The following PLEKHG4B variants were observed in gnomAD, a reference collection of about 807,000 sequenced individuals.
The protein encoded by PLEKHG4B is pleckstrin homology domain-containing family G member 4B.
Under a neutral mutation model 121.3 loss-of-function variants are expected in PLEKHG4B, and 111 were observed. The observed-to-expected ratio is 0.92, with a 90% CI of 0.78 to 1.07. The LOEUF (loss-of-function observed/expected upper bound fraction) is 1.07. PLEKHG4B is among the 50% of genes least tolerant of loss of function. PLEKHG4B has a pLI of 0.00. For missense variants in PLEKHG4B, 1,831 were observed against 1,757.8 expected (o/e 1.04, Z -0.74); for synonymous variants, 738 against 725.0 (o/e 1.02, Z -0.29).
At position 110,590 on chromosome 5, in the gene PLEKHG4B, A is replaced by G. The variant is rs531772082; in HGVS notation, c.46-2661A>G. ...CTGCAACACACGCGCACACATCCAC[A>G]CAATCTGCAACACGTGTGCACACAC... On this transcript the variant is annotated intron_variant, in intron 1 of 19. Coordinates refer to ENST00000637938, the MANE Select transcript of PLEKHG4B (RefSeq NM_052909.5). 2.7e-3 allele frequency among the ~76,000 whole-genome samples: 392 copies of G among 144,124 alleles called. 6 individuals are homozygous for G. The highest frequency in any genetic ancestry group is 9.7e-3 in the African/African-American group (368 of 37,928). 94.6% of individuals were successfully genotyped at this position (144,124 alleles called of 152,430 possible). A position where few individuals can be genotyped will look rare whatever the true frequency, so the allele number is the denominator to read the frequency against.
At position 109,397 on chromosome 5, in the gene PLEKHG4B, C is replaced by CAAAAAAAAAAAAA. The variant is rs34972342; in HGVS notation, c.46-3842_46-3830dup. ...GGGTGACAGGGCAAGACTCTGTCTC[C>CAAAAAAAAAAAAA]AAAAAAAAAAAAAAAAAAAAAAAAT... On this transcript the variant is annotated intron_variant, in intron 1 of 19. Coordinates refer to ENST00000637938, the MANE Select transcript of PLEKHG4B (RefSeq NM_052909.5). Among the ~76,000 whole-genome samples, 154 of 61,814 alleles carry CAAAAAAAAAAAAA rather than the reference C, an allele frequency of 2.5e-3. 11 individuals are homozygous for CAAAAAAAAAAAAA. The highest frequency in any genetic ancestry group is 0.011 in the African/African-American group (149 of 12,976). The allele number at this position is 61,814 out of a possible 152,430, so 40.6% of individuals were successfully genotyped here.
At chr5:141,711 A>ATTTTTTTTTTT (rs34273619) in intron 3 of PLEKHG4B, among the ~76,000 whole-genome samples, 4 of 127,538 alleles carry the variant, frequency 3.1e-5, no homozygotes, top group African/African-American at 6.1e-5. Context: ...TAAATATTTC[A>ATTTTTTTTTTT]TTTTTTTTTT....
At chr5:141,958 G>A (rs1234180419) in intron 3 of PLEKHG4B, among the ~76,000 whole-genome samples, 2 of 152,094 alleles carry the variant, frequency 1.3e-5, no homozygotes, top group African/African-American at 4.8e-5. Context: ...GGAGGCAATG[G>A]CACCACAGCC....
rs568733291 is a variant in PLEKHG4B at position 154,036 on chromosome 5, G to A, written c.1993-839G>A. Among the ~76,000 whole-genome samples the A allele has an allele frequency of 9.0e-4, 135 of 150,116 alleles. 3 individuals are homozygous for A. In the South Asian group the frequency reaches 0.027, roughly 30 times the overall value. The stretch of plus-strand genomic sequence containing the variant: ...TATTTTTTTTTTGAGACAGAGTCTC[G>A]TTCTATGTCGCCAGGCTGGAGTGCA... On this transcript the variant is annotated intron_variant, in intron 7 of 19. Coordinates refer to ENST00000637938, the MANE Select transcript of PLEKHG4B (RefSeq NM_052909.5).
chr5:130,096 G>A (rs900817755), intron 2 of PLEKHG4B, among the ~76,000 whole-genome samples: 3 of 144,570 alleles, frequency 2.1e-5, no homozygotes, highest in African/African-American at 8.5e-5. Flanking sequence ...AAAGGAACAT[G>A]CTTTCTCATC....
At chr5:124,307 G>A (rs570366887) in intron 2 of PLEKHG4B, among the ~76,000 whole-genome samples, 24 of 152,324 alleles carry the variant, frequency 1.6e-4, no homozygotes, top group Admixed American at 5.2e-4. Context: ...AGAAGCATGT[G>A]TATGTCCAGC....
chr5:102,859 C>A (rs576974608), intron 1 of PLEKHG4B, among the ~76,000 whole-genome samples: 4 of 152,212 alleles, frequency 2.6e-5, no homozygotes, highest in African/African-American at 9.7e-5. Context: ...CCTGCCTGGG[C>A]GACATCTGTG....
chr5:162,013 C>T, intron 12 of PLEKHG4B, 69 bp downstream of exon 12: 6 of 1,500,222 alleles, frequency 4.0e-6, no homozygotes, highest in South Asian at 4.0e-5. Context: ...TAGCAAGTGC[C>T]TCCCCTCACA....
At chr5:165,188 C>G (rs62344145) in intron 13 of PLEKHG4B, among the ~76,000 whole-genome samples, 109 of 13,836 alleles carry the variant, frequency 7.9e-3, no homozygotes, top group African/African-American at 0.013. Flanking sequence ...TCACAGTACT[C>G]CTCTGACGGG....
intron 6 of PLEKHG4B, among the ~76,000 whole-genome samples, chr5:146,905 C>T (rs894557368): frequency 5.9e-5 from 9 of 151,882 alleles, no homozygotes; most frequent in South Asian, 2.1e-4. Context: ...TTTCGCAGTA[C>T]GTGGCTCTTC....
intron 13 of PLEKHG4B, 99 bp from the exon 14 acceptor site, chr5:169,241 C>A: frequency 1.3e-6 from 2 of 1,506,842 alleles, no homozygotes; most frequent in Non-Finnish European, 1.8e-6. Context: ...CCCTGCTCAT[C>A]CCTCCGGGTT....
intron 17 of PLEKHG4B, among the ~76,000 whole-genome samples, chr5:173,551 T>C (rs932703040): frequency 5.9e-5 from 9 of 151,768 alleles, no homozygotes; most frequent in Non-Finnish European, 5.9e-5. Flanking sequence ...CCTTGCACAC[T>C]CATGGACAGC....
At position 127,246 on chromosome 5, in the gene PLEKHG4B, A is replaced by T. The variant is rs367837095; in HGVS notation, c.244-12237A>T. ...GAAAATGATTTGGGGGCTGATTTTC[A>T]TTAAAAGGAAACGTTACTACAGACT... On this transcript the variant is annotated intron_variant, in intron 2 of 19. Transcript: ENST00000637938. 7.9e-5 allele frequency among the ~76,000 whole-genome samples: 12 copies of T among 152,082 alleles called. No individual in the cohort carries two copies. The East Asian group carries it at 2.3e-3, about 29-fold the overall frequency.
At chr5:116,640 C>T (rs1435833345) in intron 2 of PLEKHG4B, among the ~76,000 whole-genome samples, 1 of 152,340 alleles carries the variant, frequency 6.6e-6, no homozygotes, top group South Asian at 2.1e-4. Context: ...GGGTGTGTTG[C>T]AGCGAGCTGC....
intron 2 of PLEKHG4B, among the ~76,000 whole-genome samples, chr5:133,057 A>G (rs147237423): frequency 1.3e-3 from 198 of 152,266 alleles, no homozygotes; most frequent in Non-Finnish European, 2.4e-3. Context: ...TGTGTCATCT[A>G]TGATTTCTTT....
In PLEKHG4B at chr5:169,428, C is replaced by T; in HGVS notation, c.3565C>T (p.Pro1189Ser). ...CLGYVIDNYF[P>S]EMERMDLPQG... ...AGGATACGTCATTGACAACTATTTT[C>T]CAGAAATGGAAAGAATGGACTTGCC... The change falls in exon 14 of 20, where the codon CCA becomes TCA. Residue 1189 changes from proline to serine, a missense_variant. Transcript: ENST00000637938. The T allele has an allele frequency of 6.2e-7, 1 of 1,614,194 alleles. No homozygotes were observed. The highest frequency in any genetic ancestry group is 8.5e-7 in the Non-Finnish European group (1 of 1,180,036).
At chr5:138,899 TA>T (rs1735062692) in intron 2 of PLEKHG4B, among the ~76,000 whole-genome samples, 1 of 152,212 alleles carries the variant, frequency 6.6e-6, no homozygotes, top group Non-Finnish European at 1.5e-5. Context: ...TGAAAATAGT[TA>T]AAGTACACAA....
rs1001626064 is a variant in PLEKHG4B, at chr5:140,000, G to A, written c.761G>A (p.Arg254His). ...SCPDTLTSPC[R>H]RGHTGSDQLR... is the part of the protein sequence containing the mutation. ...CCCGACACCCTGACCTCACCCTGCC[G>A]CCGAGGGCATACGGGCAGCGACCAG... Residue 254 changes from arginine to histidine, a missense_variant, in exon 3 of 20, where the codon CGC becomes CAC. Physicochemically the swap from Arg to His is conservative, Grantham distance 29. Coordinates refer to ENST00000637938, the MANE Select transcript of PLEKHG4B (RefSeq NM_052909.5). This position sits in a 1 kb window ranked among gnomAD's most constrained non-coding sequence, Gnocchi z 5.0. 13 of 408,780 alleles carry A rather than the reference G, an allele frequency of 3.2e-5. No homozygotes were observed. The highest frequency in any genetic ancestry group is 5.2e-5 in the Non-Finnish European group (12 of 232,068). 25.3% of individuals were successfully genotyped at this position (408,780 alleles called of 1,614,324 possible). A position where few individuals can be genotyped will look rare whatever the true frequency, so the allele number is the denominator to read the frequency against.
Position 156,262 on chromosome 5 carries a change from C to T in PLEKHG4B, c.2348+52C>T, listed in dbSNP as rs747546122. On this transcript the variant is annotated intron_variant, in intron 10 of 19. Transcript: ENST00000637938. The surrounding 1 kb of genome is among the most constrained non-coding windows in gnomAD (Gnocchi z 4.4). ...GCCCTGGCCCATCGAGGGAGCTGCT[C>T]GGGGGAGTTTGCACCAGGAGGCGTA... The T allele has an allele frequency of 4.9e-5, 68 of 1,374,346 alleles. No homozygotes were observed. In the East Asian group the frequency reaches 1.6e-3, roughly 33 times the overall value. The allele number at this position is 1,374,346 out of a possible 1,614,324, so 85.1% of individuals were successfully genotyped here.
Sources: allele counts gnomAD v4.1 joint callset (sites outside exome capture counted in the v4.1 genomes callset), GRCh38; gene constraint gnomAD v4.1.1; non-coding constraint Gnocchi (gnomAD v3.1); transcripts MANE v1.5; gene names NCBI Gene and HGNC (gene_info 2026-07-23, HGNC 2026-07-21).